TTC3: variants seen among roughly 807,000 people sequenced by gnomAD.
TTC3 encodes E3 ubiquitin-protein ligase TTC3.
In TTC3, 180 loss-of-function variants were observed where a neutral mutation model predicts 249.6. The ratio of observed to expected loss-of-function variants is 0.72; its 90% CI spans 0.64 to 0.82. The LOEUF is 0.82. Ranked by LOEUF, TTC3 falls within the 40% of genes least tolerant of loss-of-function variation. The probability of loss-of-function intolerance (pLI) is 0.00; values close to 1 mark genes in which losing one functional copy is unlikely to be tolerated. For synonymous variants in TTC3, 717 were observed against 805.0 expected (o/e 0.89, Z 1.85); for missense variants, 2,061 against 2,398.4 (o/e 0.86, Z 2.94).
chr21:37,135,299 A>G lies in TTC3; in HGVS notation c.1444-81A>G, dbSNP rs1010366752. On this transcript the variant is annotated intron_variant, in intron 17 of 45. Transcript: ENST00000355666. ...AACATTTTATCATTAGTTATAAAATATTACTATGAACTTGGCATCTTAGGT... is the reference window on the plus strand; with the variant it reads ...AACATTTTATCATTAGTTATAAAATGTTACTATGAACTTGGCATCTTAGGT... The G allele has an allele frequency of 6.4e-6, 9 of 1,407,658 alleles. No homozygotes were observed. The African/African-American group carries it at 7.2e-5, about 11-fold the overall frequency. The allele number at this position is 1,407,658 out of a possible 1,614,324, so 87.2% of individuals were successfully genotyped here.
intron 31 of TTC3, among the ~76,000 whole-genome samples, chr21:37,163,351 T>TA (rs571769057): frequency 2.6e-5 from 4 of 152,188 alleles, no homozygotes; most frequent in South Asian, 4.1e-4. Flanking sequence ...ATCTTACATT[T>TA]AAAAAAAACT....
chr21:37,084,068 G>A (rs1168943304), intron 1 of TTC3: 2 of 152,208 alleles, frequency 1.3e-5, no homozygotes, highest in Non-Finnish European at 2.9e-5. Context: ...ACATGGAAAT[G>A]GCAAAAATCA....
intron 10 of TTC3, among the ~76,000 whole-genome samples, chr21:37,104,903 G>A (rs2074928259): frequency 1.3e-5 from 2 of 152,200 alleles, no homozygotes; most frequent in Admixed American, 1.3e-4. Context: ...TGGTACTAAT[G>A]TGCAGTCACG....
At chr21:37,113,367 A>T (rs1252325289) in intron 11 of TTC3, among the ~76,000 whole-genome samples, 2 of 152,214 alleles carry the variant, frequency 1.3e-5, no homozygotes, top group Non-Finnish European at 2.9e-5. Context: ...CAATGTGCAA[A>T]AATCACAAGC....
At chr21:37,188,385 T>C in intron 38 of TTC3, 110 bp from the exon 39 acceptor site, 1 of 721,448 alleles carries the variant, frequency 1.4e-6, no homozygotes, top group Non-Finnish European at 2.3e-6. Context: ...TCTGTCATGC[T>C]TCATTTAAGG....
At chr21:37,131,831 C>T (rs2077494189) in intron 16 of TTC3, among the ~76,000 whole-genome samples, 1 of 152,190 alleles carries the variant, frequency 6.6e-6, no homozygotes, top group African/African-American at 2.4e-5. Context: ...AGAAAATCTA[C>T]ACATTGGATG....
chr21:37,161,103 T>TAA (rs397805488), intron 30 of TTC3, among the ~76,000 whole-genome samples: 86 of 146,914 alleles, frequency 5.9e-4, no homozygotes, highest in East Asian at 7.9e-4. Context: ...TATTTCTGAG[T>TAA]AAAAAAAAAA....
exon 27 of TTC3, chr21:37,153,169 A>G: frequency 6.2e-7 from 1 of 1,614,182 alleles, no homozygotes. Context: ...TCGCCACTTG[A>G]TTCAAGAAAA....
chr21:37,104,568 C>T (rs1024033706), intron 10 of TTC3, among the ~76,000 whole-genome samples: 2 of 123,758 alleles, frequency 1.6e-5, no homozygotes, highest in South Asian at 2.4e-4. Flanking sequence ...CCAGCCTCGG[C>T]GACGAGCAAA....
At chr21:37,193,773 A>G (rs546267085) in intron 41 of TTC3, 2 of 152,310 alleles carry the variant, frequency 1.3e-5, no homozygotes, top group African/African-American at 2.4e-5. Flanking sequence ...GTGCACATGG[A>G]CTTGGGGAAA....
Position 37,087,931 on chromosome 21 carries a change from C to A in TTC3, c.187+56C>A, listed in dbSNP as rs1196303148. 7.4e-6 allele frequency: 10 copies of A among 1,344,166 alleles called. No individual in the cohort carries two copies. In the African/African-American group the frequency reaches 8.8e-5, roughly 12 times the overall value. The allele number at this position is 1,344,166 out of a possible 1,614,324, so 83.3% of individuals were successfully genotyped here. The stretch of plus-strand genomic sequence containing the variant: ...TATGGAAAGACTACAAAGGGAGGTC[C>A]ATCCATCCTGTCATAGCAATACAAC... On this transcript the variant is annotated intron_variant, in intron 3 of 45. Transcript: ENST00000355666.
intron 35 of TTC3, among the ~76,000 whole-genome samples, chr21:37,176,291 G>C (rs1472057459): frequency 6.6e-6 from 1 of 152,050 alleles, no homozygotes; most frequent in Non-Finnish European, 1.5e-5. Context: ...TCACATTATT[G>C]TGTAACCATT....
intron 23 of TTC3, among the ~76,000 whole-genome samples, chr21:37,149,321 T>C (rs1463560557): frequency 1.3e-5 from 2 of 152,212 alleles, no homozygotes; most frequent in Non-Finnish European, 2.9e-5. Flanking sequence ...AATGAGGCAG[T>C]TGTACTAGGC....
At chr21:37,156,621 TC>T (rs1601850094) in intron 27 of TTC3, 33 bp from the exon 28 acceptor site, 1 of 1,577,938 alleles carries the variant, frequency 6.3e-7, no homozygotes. Context: ...ATAATTTCCC[TC>T]CTCTTCTGAT....
At chr21:37,121,003 C>A (rs1450477954) in intron 11 of TTC3, among the ~76,000 whole-genome samples, 3 of 152,142 alleles carry the variant, frequency 2.0e-5, no homozygotes, top group African/African-American at 7.2e-5. Context: ...TAGTAAATCA[C>A]CTTGCCAGTA....
At chr21:37,098,509 T>C (rs1454773583) in intron 10 of TTC3, 1 of 152,324 alleles carries the variant, frequency 6.6e-6, no homozygotes, top group African/African-American at 2.4e-5. Flanking sequence ...TCTATCCTTG[T>C]ACCTCCTTGC....
At position 37,091,214 on chromosome 21, in the gene TTC3, A is replaced by G. The variant is rs576028343; in HGVS notation, c.481-79A>G. The stretch of plus-strand genomic sequence containing the variant: ...TGTAGTAAGGATCTGAAATACTTGC[A>G]TAAGATGAATTTATAATGCCACATG... On this transcript the variant is annotated intron_variant, in intron 6 of 45. Coordinates refer to ENST00000355666, the Ensembl canonical transcript of TTC3. 8 of 1,468,262 alleles carry G rather than the reference A, an allele frequency of 5.4e-6. No individual in the cohort carries two copies. The Admixed American group carries it at 1.1e-4, about 21-fold the overall frequency. The allele number at this position is 1,468,262 out of a possible 1,614,324, so 91.0% of individuals were successfully genotyped here.
intron 21 of TTC3, among the ~76,000 whole-genome samples, chr21:37,146,626 A>G (rs549196790): frequency 8.5e-5 from 13 of 152,196 alleles, no homozygotes; most frequent in South Asian, 2.1e-4. Flanking sequence ...GTCCATTCCT[A>G]TGAAATCTCC....
intron 8 of TTC3, among the ~76,000 whole-genome samples, chr21:37,094,880 T>G (rs2073744234): frequency 6.6e-6 from 1 of 152,156 alleles, no homozygotes; most frequent in Non-Finnish European, 1.5e-5. Context: ...ACACCTGTAG[T>G]CCCAGTACTT....
Sources: gnomAD v4.1 joint callset for allele counts (sites outside exome capture counted in the v4.1 genomes callset) on GRCh38, gnomAD v4.1.1 for gene constraint, MANE v1.5 for transcripts, NCBI Gene and HGNC (gene_info 2026-07-23, HGNC 2026-07-21) for gene names.